CACHD1: variants seen among roughly 807,000 people sequenced by gnomAD.
CACHD1 encodes VWFA and cache domain-containing protein 1.
A neutral mutation model predicts 138.7 loss-of-function variants in CACHD1; 71 were observed. That is an observed-to-expected ratio of 0.51 (90% CI 0.42 to 0.62). The LOEUF (loss-of-function observed/expected upper bound fraction) is 0.62, where lower values mean the gene tolerates loss of function less well. CACHD1 is among the 20% of genes least tolerant of loss of function. The probability of loss-of-function intolerance (pLI) is 0.00; values close to 1 mark genes in which losing one functional copy is unlikely to be tolerated. For missense variants in CACHD1, 1,389 were observed against 1,625.3 expected (o/e 0.85, Z 2.50); for synonymous variants, 578 against 591.5 (o/e 0.98, Z 0.33).
intron 3 of CACHD1, among the ~76,000 whole-genome samples, chr1:64,602,053 C>T (rs1230414093): frequency 6.6e-6 from 1 of 152,130 alleles, no homozygotes; most frequent in Non-Finnish European, 1.5e-5. Flanking sequence ...AGCAATGGAT[C>T]ATTGATTCCA....
intron 3 of CACHD1, 39 bp from the exon 4 acceptor site, chr1:64,602,767 G>T: frequency 7.1e-7 from 1 of 1,410,242 alleles, no homozygotes. Context: ...GGTTTTTCTG[G>T]CCTGAATAAG....
chr1:64,594,496 A>G (rs1436764287), intron 3 of CACHD1, among the ~76,000 whole-genome samples: 1 of 152,086 alleles, frequency 6.6e-6, no homozygotes, highest in Non-Finnish European at 1.5e-5. Context: ...AATTTGTGCC[A>G]TTTCCCTGTG....
chr1:64,560,660 GA>G (rs1450347714), intron 2 of CACHD1, among the ~76,000 whole-genome samples: 3 of 151,988 alleles, frequency 2.0e-5, no homozygotes, highest in Non-Finnish European at 4.4e-5. Flanking sequence ...AACTTGTAAA[GA>G]ACATGTGTTC....
intron 1 of CACHD1, among the ~76,000 whole-genome samples, chr1:64,515,068 A>G (rs1276655710): frequency 1.3e-5 from 2 of 152,130 alleles, no homozygotes; most frequent in Non-Finnish European, 2.9e-5. Context: ...ACAGTATTGG[A>G]TTATTTAGGA....
chr1:64,603,197 C>T (rs868217683), intron 4 of CACHD1, among the ~76,000 whole-genome samples: 2 of 149,700 alleles, frequency 1.3e-5, no homozygotes, highest in South Asian at 2.1e-4. Context: ...CTCCGCCTCC[C>T]GGGTTCACAC....
At chr1:64,552,149 T>G (rs1570359025) in intron 2 of CACHD1, among the ~76,000 whole-genome samples, 1 of 152,064 alleles carries the variant, frequency 6.6e-6, no homozygotes, top group Admixed American at 6.6e-5. Context: ...AATGTGAAAG[T>G]TTTTTCCCCC....
chr1:64,539,374 G>A (rs923754797), intron 1 of CACHD1, among the ~76,000 whole-genome samples: 1 of 152,094 alleles, frequency 6.6e-6, no homozygotes, highest in African/African-American at 2.4e-5. Context: ...CCTACCACAT[G>A]CATAAAAGCC....
intron 1 of CACHD1, among the ~76,000 whole-genome samples, chr1:64,534,414 A>C (rs1646615755): frequency 1.3e-5 from 2 of 152,210 alleles, no homozygotes; most frequent in Non-Finnish European, 2.9e-5. Flanking sequence ...GAAGATCAAA[A>C]GTATAGATTT....
At chr1:64,531,544 G>A (rs1646586348) in intron 1 of CACHD1, among the ~76,000 whole-genome samples, 1 of 151,522 alleles carries the variant, frequency 6.6e-6, no homozygotes, top group African/African-American at 2.4e-5. Flanking sequence ...TGTAGGGGTG[G>A]GAGGAGAAGG....
chr1:64,514,722 G>A (rs1255598880), intron 1 of CACHD1, among the ~76,000 whole-genome samples: 1 of 152,192 alleles, frequency 6.6e-6, no homozygotes, highest in African/African-American at 2.4e-5. Flanking sequence ...CTAACTCAGT[G>A]TGCCTTCTTG....
At chr1:64,683,679 T>G (rs1650261386) in intron 26 of CACHD1, among the ~76,000 whole-genome samples, 2 of 152,212 alleles carry the variant, frequency 1.3e-5, no homozygotes, top group South Asian at 4.1e-4. Flanking sequence ...TCTCCATAAT[T>G]GGATCCATGT....
chr1:64,591,472 T>A (rs1232963976), intron 3 of CACHD1, among the ~76,000 whole-genome samples: 13 of 152,184 alleles, frequency 8.5e-5, no homozygotes, highest in Admixed American at 8.5e-4. Context: ...ACTGGAGAAT[T>A]TAAACTTTGT....
chr1:64,473,386 T>C lies in CACHD1; in HGVS notation c.198+2444T>C, dbSNP rs570856514. Among the ~76,000 whole-genome samples, 3 of 152,290 alleles carry C rather than the reference T, an allele frequency of 2.0e-5. No individual in the cohort carries two copies. The South Asian group carries it at 6.2e-4, about 32-fold the overall frequency. ...AGAACAAAGATTTTGAGCCCCACAT[T>C]CTCATCTGTAAACCTTTGGGATTTG... On this transcript the variant is annotated intron_variant, in intron 1 of 26. Coordinates refer to ENST00000651257, the MANE Select transcript of CACHD1 (RefSeq NM_020925.4).
At chr1:64,653,621 T>C (rs1420101634) in intron 10 of CACHD1, 137 bp from the exon 11 acceptor site, 7 of 761,730 alleles carry the variant, frequency 9.2e-6, no homozygotes, top group South Asian at 4.3e-5. Context: ...GGTTCAGTTT[T>C]TACTGGACTG....
intron 2 of CACHD1, among the ~76,000 whole-genome samples, chr1:64,577,179 C>G (rs961725845): frequency 1.4e-4 from 22 of 152,060 alleles, no homozygotes; most frequent in African/African-American, 5.3e-4. Context: ...CTCTTGGGCT[C>G]AAGTGATCCA....
intron 3 of CACHD1, among the ~76,000 whole-genome samples, chr1:64,595,919 C>T (rs1469514025): frequency 6.6e-6 from 1 of 152,144 alleles, no homozygotes; most frequent in African/African-American, 2.4e-5. Context: ...CCCTTGTTTC[C>T]AATCTGGCTG....
At chr1:64,541,453 A>G (rs1646676689) in intron 1 of CACHD1, among the ~76,000 whole-genome samples, 1 of 152,214 alleles carries the variant, frequency 6.6e-6, no homozygotes, top group South Asian at 2.1e-4. Context: ...TGTAGCATAG[A>G]CAGTCTTTGC....
At chr1:64,582,412 T>C (rs1178312228) in intron 3 of CACHD1, 108 bp downstream of exon 3, 2 of 994,006 alleles carry the variant, frequency 2.0e-6, no homozygotes, top group African/African-American at 3.2e-5. Context: ...ATTGTGTAGC[T>C]TGTTTCCCAC....
chr1:64,521,914 GTCA>G (rs1408572868), intron 1 of CACHD1, among the ~76,000 whole-genome samples: 1 of 152,064 alleles, frequency 6.6e-6, no homozygotes, highest in Non-Finnish European at 1.5e-5. Context: ...CATTCTATGG[GTCA>G]TCTTTTTAAT....
Sources: allele counts gnomAD v4.1 joint callset (sites outside exome capture counted in the v4.1 genomes callset), GRCh38; gene constraint gnomAD v4.1.1; transcripts MANE v1.5; gene names NCBI Gene and HGNC (gene_info 2026-07-23, HGNC 2026-07-21).